SAMD5: variants seen among roughly 807,000 people sequenced by gnomAD.
The protein encoded by SAMD5 is sterile alpha motif domain-containing protein 5.
In SAMD5, 13 loss-of-function variants were observed where a neutral mutation model predicts 11.3. The ratio of observed to expected loss-of-function variants is 1.15; its 90% confidence interval spans 0.75 to 1.83. SAMD5 has a LOEUF of 1.83. Among genes scored for constraint, SAMD5 ranks in the 40% most tolerant of loss-of-function variants. The pLI is 0.00. For missense variants in SAMD5, 255 were observed against 239.1 expected (o/e 1.07, Z -0.44); for synonymous variants, 129 against 111.3 (o/e 1.16, Z -1.00).
chr6:147,560,273 C>G (rs1484767935), intron 1 of SAMD5, among the ~76,000 whole-genome samples: 4 of 152,080 alleles, frequency 2.6e-5, no homozygotes, highest in Admixed American at 6.5e-5. Flanking sequence ...TGTAACGTAG[C>G]TGAATGTTGG....
chr6:147,680,289 G>C (rs964861601), intron 1 of SAMD5, among the ~76,000 whole-genome samples: 4 of 151,916 alleles, frequency 2.6e-5, no homozygotes, highest in Admixed American at 2.6e-4. Context: ...TACATATTTT[G>C]ATGTTATAAT....
At chr6:147,622,143 G>GAGGGA (rs2128450357) in intron 1 of SAMD5, among the ~76,000 whole-genome samples, 1 of 152,232 alleles carries the variant, frequency 6.6e-6, no homozygotes, top group Non-Finnish European at 1.5e-5. Context: ...ATCCCTCAGT[G>GAGGGA]TCTGTGAGGA....
chr6:147,829,699 T>A, the SAMD5 span, among the ~76,000 whole-genome samples: 1 of 151,654 alleles, frequency 6.6e-6, no homozygotes, highest in African/African-American at 2.4e-5. Context: ...TCTTTCCAGG[T>A]GTTCTCCAGG....
chr6:147,515,431 ACCAT>A (rs58973849), intron 1 of SAMD5, among the ~76,000 whole-genome samples: 45,486 of 148,548 alleles, frequency 0.31, 7,432 homozygotes, highest in African/African-American at 0.44. Context: ...CTTCCATCCA[ACCAT>A]CCATCCATCC....
intron 1 of SAMD5, among the ~76,000 whole-genome samples, chr6:147,722,243 G>A (rs1005859932): frequency 1.3e-5 from 2 of 151,780 alleles, no homozygotes; most frequent in Non-Finnish European, 2.9e-5. Context: ...CAAGAGGTAA[G>A]TGGGGTCACT....
the SAMD5 span, among the ~76,000 whole-genome samples, chr6:147,807,589 A>G: frequency 6.6e-6 from 1 of 152,240 alleles, no homozygotes. Context: ...TTCGCCACAC[A>G]GTACTGCATT....
the SAMD5 span, among the ~76,000 whole-genome samples, chr6:147,813,175 G>A: frequency 1.3e-5 from 2 of 152,210 alleles, no homozygotes; most frequent in South Asian, 2.1e-4. Flanking sequence ...CAGGTCGATA[G>A]GAAAGGAGGG....
At chr6:147,738,722 T>C (rs934709050), downstream of SAMD5, among the ~76,000 whole-genome samples, 3 of 152,130 alleles carry the variant, frequency 2.0e-5, no homozygotes, top group Non-Finnish European at 4.4e-5. Context: ...ATGCCTGGGA[T>C]GAAAAACCAT....
At chr6:147,558,361 G>A (rs539145558) in intron 1 of SAMD5, among the ~76,000 whole-genome samples, 1 of 152,124 alleles carries the variant, frequency 6.6e-6, no homozygotes, top group South Asian at 2.1e-4. Context: ...AGACACTGGC[G>A]TTCAGCACAC....
chr6:147,837,209 C>T, the SAMD5 span, among the ~76,000 whole-genome samples: 1 of 152,108 alleles, frequency 6.6e-6, no homozygotes. Context: ...TCTGCTCCCC[C>T]TTCCTCCTTC....
chr6:147,875,617 C>T, the SAMD5 span, among the ~76,000 whole-genome samples: 1 of 152,102 alleles, frequency 6.6e-6, no homozygotes, highest in Non-Finnish European at 1.5e-5. Flanking sequence ...GGTGGGCAAG[C>T]CAGGAAGCTT....
intron 1 of SAMD5, among the ~76,000 whole-genome samples, chr6:147,651,061 C>T (rs1562343060): frequency 6.6e-6 from 1 of 152,048 alleles, no homozygotes; most frequent in Non-Finnish European, 1.5e-5. Flanking sequence ...GTATTCATCC[C>T]CACCCATATT....
At chr6:147,605,744 C>T (rs1015966894) in intron 1 of SAMD5, among the ~76,000 whole-genome samples, 10 of 152,074 alleles carry the variant, frequency 6.6e-5, no homozygotes, top group African/African-American at 2.2e-4. Context: ...ATACAGAAAT[C>T]CAAGATGGAG....
chr6:147,564,803 G>A lies in SAMD5; in HGVS notation c.*347G>A. ...GCTAAGGCATTTGAGTCATAACTTAGTTTAAGTACAATATAACAAAAAGGT... is the reference window on the plus strand; with the variant it reads ...GCTAAGGCATTTGAGTCATAACTTAATTTAAGTACAATATAACAAAAAGGT... On this transcript the variant is annotated 3_prime_UTR_variant, in exon 2 of 2. Transcript: ENST00000367474. 3 of 998,286 alleles carry A rather than the reference G, an allele frequency of 3.0e-6. No individual in the cohort carries two copies. The highest frequency in any genetic ancestry group is 3.6e-6 in the Non-Finnish European group (3 of 836,748). 61.8% of individuals were successfully genotyped at this position (998,286 alleles called of 1,614,324 possible).
the SAMD5 span, among the ~76,000 whole-genome samples, chr6:147,912,215 T>G: frequency 3.3e-5 from 5 of 152,168 alleles, no homozygotes; most frequent in Admixed American, 2.6e-4. Context: ...TAAAAACTTC[T>G]TAGTGGGAAA....
chr6:147,741,110 G>C (rs1791873559), downstream of SAMD5, among the ~76,000 whole-genome samples: 2 of 152,166 alleles, frequency 1.3e-5, no homozygotes, highest in Admixed American at 1.3e-4. Context: ...TTAATCATGG[G>C]TTGGGTCAAA....
the SAMD5 span, among the ~76,000 whole-genome samples, chr6:147,878,584 T>G: frequency 6.8e-6 from 1 of 147,038 alleles, no homozygotes; most frequent in Non-Finnish European, 1.5e-5. Context: ...TATCTCTATA[T>G]AGATATATAT....
intron 1 of SAMD5, among the ~76,000 whole-genome samples, chr6:147,628,756 C>T (rs981569101): frequency 5.3e-5 from 8 of 152,116 alleles, no homozygotes; most frequent in African/African-American, 1.7e-4. Context: ...GGCCACCTCA[C>T]TCTGCTGGCC....
chr6:147,612,262 G>A (rs906687364), intron 1 of SAMD5, among the ~76,000 whole-genome samples: 2 of 152,058 alleles, frequency 1.3e-5, no homozygotes, highest in Admixed American at 1.3e-4. Flanking sequence ...CTGTGAGTTT[G>A]GTACCATTCT....
Sources: allele counts gnomAD v4.1 joint callset (sites outside exome capture counted in the v4.1 genomes callset), GRCh38; gene constraint gnomAD v4.1.1; transcripts MANE v1.5; gene names NCBI Gene and HGNC (gene_info 2026-07-23, HGNC 2026-07-21).